The following ADARB2 variants were observed in gnomAD, a reference collection of about 807,000 sequenced individuals.
ADARB2 encodes the protein inactive double-stranded RNA-specific editase B2.
In ADARB2, 25 loss-of-function variants were observed where a neutral mutation model predicts 62.2. The ratio of observed to expected loss-of-function variants is 0.40; its 90% confidence interval spans 0.29 to 0.56. The LOEUF (loss-of-function observed/expected upper bound fraction) is 0.56. Ranked by LOEUF, ADARB2 falls within the 20% of genes least tolerant of loss-of-function variation. The pLI, the probability that ADARB2 is intolerant of heterozygous loss-of-function variation, is 0.43. For synonymous variants in ADARB2, 572 were observed against 500.8 expected, an observed-to-expected ratio of 1.14 and a Z score of -1.90; for missense variants, 1,071 against 1,077.4, an observed-to-expected ratio of 0.99 and a Z score of 0.08.
intron 2 of ADARB2, among the ~76,000 whole-genome samples, chr10:1,377,474 T>G (rs1244400353): frequency 1.5e-5 from 2 of 135,622 alleles, no homozygotes; most frequent in Non-Finnish European, 3.1e-5. Context: ...GCTCCTGGGG[T>G]GTGTGTGCGC....
At chr10:1,343,394 G>A (rs1483597387) in intron 3 of ADARB2, among the ~76,000 whole-genome samples, 1 of 152,220 alleles carries the variant, frequency 6.6e-6, no homozygotes, top group Non-Finnish European at 1.5e-5. Context: ...AGAATGGAAT[G>A]TAAATTAGCT....
chr10:1,643,639 G>A (rs1564356120), intron 1 of ADARB2, among the ~76,000 whole-genome samples: 1 of 152,254 alleles, frequency 6.6e-6, no homozygotes, highest in Non-Finnish European at 1.5e-5. Context: ...GCTGCGAAGC[G>A]CGTCAGAACC....
chr10:1,565,136 A>G (rs1021478591), intron 1 of ADARB2, among the ~76,000 whole-genome samples: 3 of 152,172 alleles, frequency 2.0e-5, no homozygotes, highest in Admixed American at 2.0e-4. Context: ...TTGCTTGATA[A>G]CATTTTAGGT....
In ADARB2 at chr10:1,337,435, G is replaced by C. The variant is rs1231421148; in HGVS notation, c.1077+25593C>G. ...GCTTTTCAGAGTGGTTGGTGTCAGTGATGCCATTGAAATGCTCAAGAAATG... is the reference window on the plus strand; with the variant it reads ...GCTTTTCAGAGTGGTTGGTGTCAGTCATGCCATTGAAATGCTCAAGAAATG... On this transcript the variant is annotated intron_variant, in intron 3 of 9. Coordinates refer to ENST00000381312, the MANE Select transcript of ADARB2 (RefSeq NM_018702.4). Among the ~76,000 whole-genome samples, 9 of 152,188 alleles carry C rather than the reference G, an allele frequency of 5.9e-5. No homozygotes were observed. The East Asian group carries it at 1.5e-3, about 26-fold the overall frequency.
intron 1 of ADARB2, among the ~76,000 whole-genome samples, chr10:1,554,563 A>G (rs993078332): frequency 4.6e-5 from 7 of 152,058 alleles, no homozygotes; most frequent in Middle Eastern, 3.4e-3. Flanking sequence ...AGGTGACTTC[A>G]GGGCACAGAT....
intron 1 of ADARB2, among the ~76,000 whole-genome samples, chr10:1,484,430 C>T (rs1174792781): frequency 6.6e-6 from 1 of 152,262 alleles, no homozygotes; most frequent in African/African-American, 2.4e-5. Context: ...ACCGCTCAAG[C>T]TCAGAGCTAG....
chr10:1,418,238 G>A (rs745594667), intron 1 of ADARB2, among the ~76,000 whole-genome samples: 18 of 152,210 alleles, frequency 1.2e-4, no homozygotes, highest in Non-Finnish European at 2.2e-4. Flanking sequence ...GTGGGGAAGT[G>A]TCTCCTTAGA....
chr10:1,602,755 A>C (rs1833434870), intron 1 of ADARB2, among the ~76,000 whole-genome samples: 1 of 151,216 alleles, frequency 6.6e-6, no homozygotes, highest in Non-Finnish European at 1.5e-5. Context: ...ACACACACAC[A>C]CCTGTACATA....
At chr10:1,432,235 GAA>G (rs1830783464) in intron 1 of ADARB2, among the ~76,000 whole-genome samples, 1 of 152,152 alleles carries the variant, frequency 6.6e-6, no homozygotes, top group South Asian at 2.1e-4. Flanking sequence ...TTGAATGATA[GAA>G]ACATAGCTCT....
At chr10:1,438,729 G>C in intron 1 of ADARB2, among the ~76,000 whole-genome samples, 1 of 149,862 alleles carries the variant, frequency 6.7e-6, no homozygotes, top group East Asian at 2.0e-4. Flanking sequence ...AGTCTCCTCA[G>C]CAGATGGAGG....
In ADARB2 at chr10:1,573,191, C is replaced by G. The variant is rs80243814; in HGVS notation, c.100+163860G>C. On this transcript the variant is annotated intron_variant, in intron 1 of 9. Transcript: ENST00000381312. ...CTCTGTGTGCTTGTCTGGGGTGGGC[C>G]TGTCCCTGTCACTGATGGGGATGAG... 7.4e-4 allele frequency among the ~76,000 whole-genome samples: 113 copies of G among 152,328 alleles called. 1 individual carries two copies. The East Asian group carries it at 0.019, about 26-fold the overall frequency.
chr10:1,273,643 GAGA>G (rs1191670194), intron 3 of ADARB2, among the ~76,000 whole-genome samples: 1 of 152,220 alleles, frequency 6.6e-6, no homozygotes, highest in Non-Finnish European at 1.5e-5. Context: ...AGCTGGGGTG[GAGA>G]AGAAGATGCA....
chr10:1,650,849 C>G (rs982286978), intron 1 of ADARB2, among the ~76,000 whole-genome samples: 7 of 152,184 alleles, frequency 4.6e-5, no homozygotes, highest in Non-Finnish European at 8.8e-5. Flanking sequence ...CTGGCAAATG[C>G]TGACGTGGAT....
chr10:1,534,042 GGAGAGAGAGA>G lies in ADARB2; in HGVS notation c.101-154892_101-154883del, dbSNP rs143736259. ...TGACTTTGATGGGGGAGGGAGGGAG[GGAGAGAGAGA>G]GAGAGAGAGAGATTGATTTAGTTTC... On this transcript the variant is annotated intron_variant, in intron 1 of 9. Transcript: ENST00000381312. 2.0e-5 allele frequency among the ~76,000 whole-genome samples: 3 copies of G among 148,196 alleles called. No homozygotes were observed. In the South Asian group the frequency reaches 6.4e-4, roughly 32 times the overall value.
intron 1 of ADARB2, among the ~76,000 whole-genome samples, chr10:1,612,598 A>G (rs1658317442): frequency 6.6e-6 from 1 of 152,212 alleles, no homozygotes; most frequent in South Asian, 2.1e-4. Context: ...TCATTAAATA[A>G]CGTGTCCAAA....
At chr10:1,337,715 CCA>C in intron 3 of ADARB2, among the ~76,000 whole-genome samples, 1 of 152,168 alleles carries the variant, frequency 6.6e-6, no homozygotes, top group African/African-American at 2.4e-5. Context: ...TTTCATTTAG[CCA>C]CTCCAATTAT....
At chr10:1,306,369 T>G (rs894517208) in intron 3 of ADARB2, among the ~76,000 whole-genome samples, 2 of 151,712 alleles carry the variant, frequency 1.3e-5, no homozygotes, top group African/African-American at 4.8e-5. Context: ...GAAGGACCTC[T>G]TCAAGGAGAA....
chr10:1,440,562 A>C (rs962174668), intron 1 of ADARB2, among the ~76,000 whole-genome samples: 5 of 152,172 alleles, frequency 3.3e-5, no homozygotes, highest in Admixed American at 3.3e-4. Flanking sequence ...AGCTACACAT[A>C]ATATTTTCAA....
At chr10:1,188,297 C>T (rs748507880) in intron 8 of ADARB2, 6 of 152,266 alleles carry the variant, frequency 3.9e-5, no homozygotes, top group Non-Finnish European at 8.8e-5. Context: ...CAGTTTGTTT[C>T]GTGTTCTCCA....
Sources: allele counts gnomAD v4.1 joint callset (sites outside exome capture counted in the v4.1 genomes callset), GRCh38; gene constraint gnomAD v4.1.1; transcripts MANE v1.5; gene names NCBI Gene and HGNC (gene_info 2026-07-23, HGNC 2026-07-21).